BRINP3: variants seen among roughly 807,000 people sequenced by gnomAD.
BRINP3 encodes the protein BMP/retinoic acid inducible neural specific 3, also known as BMP/retinoic acid-inducible neural-specific protein 3.
In BRINP3, 19 loss-of-function variants were observed where a neutral mutation model predicts 71.0. The observed-to-expected ratio is 0.27, with a 90% CI of 0.19 to 0.39. The LOEUF (loss-of-function observed/expected upper bound fraction) is 0.39. Ranked by LOEUF, BRINP3 falls within the 10% of genes least tolerant of loss-of-function variation. BRINP3 has a pLI of 1.00. For synonymous variants in BRINP3, 380 were observed against 337.7 expected, an observed-to-expected ratio of 1.13 and a Z score of -1.37; for missense variants, 959 against 940.8, an observed-to-expected ratio of 1.02 and a Z score of -0.25.
chr1:190,116,186 CA>C (rs2102300228), intron 7 of BRINP3, among the ~76,000 whole-genome samples: 1 of 152,138 alleles, frequency 6.6e-6, no homozygotes, highest in African/African-American at 2.4e-5. Flanking sequence ...AATTTCTCCT[CA>C]AAATAAATGT....
intron 3 of BRINP3, among the ~76,000 whole-genome samples, chr1:190,271,517 A>G (rs1208282602): frequency 2.0e-5 from 3 of 151,552 alleles, no homozygotes; most frequent in Non-Finnish European, 4.4e-5. Flanking sequence ...AGCTGCATAA[A>G]TCAACTCATT....
At chr1:190,354,718 T>C (rs1033501350) in intron 2 of BRINP3, among the ~76,000 whole-genome samples, 8 of 151,720 alleles carry the variant, frequency 5.3e-5, no homozygotes, top group South Asian at 2.1e-4. Context: ...ACTGCAGATC[T>C]GGCCATTTCT....
rs184368453 is a variant in BRINP3, at chr1:190,414,745, G to A, written c.236+39910C>T. ...ATACAGTCTTACGAGTGACAGCAAT[G>A]TTACTAAGGCAGAGGGAGATTAATA... On this transcript the variant is annotated intron_variant, in intron 2 of 7. Coordinates refer to ENST00000367462, the MANE Select transcript of BRINP3 (RefSeq NM_199051.3). Among the ~76,000 whole-genome samples, 590 of 152,274 alleles carry A rather than the reference G, an allele frequency of 3.9e-3. 3 individuals are homozygous for A. Among genetic ancestry groups the A allele is most frequent in the Middle Eastern group, 6.8e-3 (2 of 294 alleles).
At chr1:190,207,849 C>G (rs1160668765) in intron 6 of BRINP3, among the ~76,000 whole-genome samples, 1 of 152,104 alleles carries the variant, frequency 6.6e-6, no homozygotes, top group African/African-American at 2.4e-5. Context: ...TTAAAAGTAA[C>G]TCACAGCCTT....
At chr1:190,285,095 C>A (rs943297634) in intron 2 of BRINP3, among the ~76,000 whole-genome samples, 1 of 152,012 alleles carries the variant, frequency 6.6e-6, no homozygotes. Flanking sequence ...GAAATATGAT[C>A]ACTGTTATAA....
intron 2 of BRINP3, among the ~76,000 whole-genome samples, chr1:190,449,675 T>C (rs1378359659): frequency 6.6e-6 from 1 of 152,134 alleles, no homozygotes; most frequent in Non-Finnish European, 1.5e-5. Context: ...CAGGATGTGT[T>C]GATCAGTGCC....
intron 7 of BRINP3, among the ~76,000 whole-genome samples, chr1:190,119,406 G>C (rs925206572): frequency 5.7e-4 from 87 of 152,154 alleles, no homozygotes; most frequent in African/African-American, 2.0e-3. Flanking sequence ...CCTCCTGAAA[G>C]CTGGGATTAC....
chr1:190,466,614 G>A (rs990343252), intron 1 of BRINP3, among the ~76,000 whole-genome samples: 8 of 151,550 alleles, frequency 5.3e-5, no homozygotes, highest in Middle Eastern at 3.4e-3. Flanking sequence ...ATTTTTAACC[G>A]AGGAATGTGT....
At chr1:190,101,671 C>T (rs1260452933) in intron 7 of BRINP3, among the ~76,000 whole-genome samples, 1 of 152,082 alleles carries the variant, frequency 6.6e-6, no homozygotes, top group African/African-American at 2.4e-5. Context: ...AATATACATC[C>T]TATCCAGATG....
In BRINP3 at chr1:190,097,801, A is replaced by T. The variant is rs1394446915; in HGVS notation, c.*217T>A. Reference sequence around the variant, plus strand: ...TTGTAAAAAGTAGAATGTCTTCTAGACTGGTGTCAGTATTTATGTCATTCA... The same window carrying T: ...TTGTAAAAAGTAGAATGTCTTCTAGTCTGGTGTCAGTATTTATGTCATTCA... On this transcript the variant is annotated 3_prime_UTR_variant, in exon 8 of 8. Coordinates refer to ENST00000367462, the MANE Select transcript of BRINP3 (RefSeq NM_199051.3). The T allele has an allele frequency of 2.0e-6, 1 of 506,686 alleles. No individual in the cohort carries two copies. The highest frequency in any genetic ancestry group is 3.1e-5 in the East Asian group (1 of 32,342). 31.4% of individuals were successfully genotyped at this position (506,686 alleles called of 1,614,324 possible). A position where few individuals can be genotyped will look rare whatever the true frequency, so the allele number is the denominator to read the frequency against.
chr1:190,163,383 A>G (rs1216730852), intron 6 of BRINP3, among the ~76,000 whole-genome samples: 3 of 152,072 alleles, frequency 2.0e-5, no homozygotes, highest in Non-Finnish European at 4.4e-5. Flanking sequence ...AATTACCCAG[A>G]AAAAGTTAAT....
intron 2 of BRINP3, among the ~76,000 whole-genome samples, chr1:190,365,509 G>C (rs1056664067): frequency 6.8e-6 from 1 of 147,434 alleles, no homozygotes; most frequent in African/African-American, 2.5e-5. Flanking sequence ...TGATTAATAT[G>C]ATAATTATAT....
chr1:190,183,404 G>A (rs1295579499), intron 6 of BRINP3, among the ~76,000 whole-genome samples: 1 of 151,982 alleles, frequency 6.6e-6, no homozygotes, highest in Non-Finnish European at 1.5e-5. Context: ...ATTTAAATGT[G>A]TTTTTGTAAC....
At chr1:190,199,917 T>A (rs1036856163) in intron 6 of BRINP3, among the ~76,000 whole-genome samples, 1 of 152,096 alleles carries the variant, frequency 6.6e-6, no homozygotes, top group East Asian at 1.9e-4. Flanking sequence ...ACCTTGTCTA[T>A]GTGACAACTA....
At chr1:190,424,681 T>C (rs1208697796) in intron 2 of BRINP3, among the ~76,000 whole-genome samples, 2 of 151,746 alleles carry the variant, frequency 1.3e-5, no homozygotes, top group Non-Finnish European at 3.0e-5. Context: ...AGTAGAAATA[T>C]ATTTTTGTAA....
chr1:190,276,584 T>C (rs181855306), intron 3 of BRINP3, among the ~76,000 whole-genome samples: 1 of 151,026 alleles, frequency 6.6e-6, no homozygotes, highest in Admixed American at 6.6e-5. Flanking sequence ...CACAATATTT[T>C]GTAAAACTTT....
At chr1:190,455,731 A>G (rs1675940289) in intron 1 of BRINP3, among the ~76,000 whole-genome samples, 1 of 152,138 alleles carries the variant, frequency 6.6e-6, no homozygotes, top group Non-Finnish European at 1.5e-5. Flanking sequence ...TAAGAAAGTC[A>G]TACCTCCAAA....
At chr1:190,422,553 C>G (rs1041371325) in intron 2 of BRINP3, among the ~76,000 whole-genome samples, 1 of 151,724 alleles carries the variant, frequency 6.6e-6, no homozygotes, top group African/African-American at 2.4e-5. Context: ...GAAATGTTCC[C>G]TGATGTGCTA....
At chr1:190,130,250 G>T (rs1178104857) in intron 7 of BRINP3, among the ~76,000 whole-genome samples, 1 of 151,938 alleles carries the variant, frequency 6.6e-6, no homozygotes, top group Non-Finnish European at 1.5e-5. Context: ...CTTGTGGCCT[G>T]TCTTCATGCT....
Sources: allele counts gnomAD v4.1 joint callset (sites outside exome capture counted in the v4.1 genomes callset), GRCh38; gene constraint gnomAD v4.1.1; transcripts MANE v1.5; gene names NCBI Gene and HGNC (gene_info 2026-07-23, HGNC 2026-07-21).